Variants in ADAMTSL1 observed in about 807,000 individuals in gnomAD.
The protein encoded by ADAMTSL1 is ADAMTS like 1.
A neutral mutation model predicts 201.8 loss-of-function variants in ADAMTSL1; 126 were observed. The ratio of observed to expected loss-of-function variants is 0.62; its 90% CI spans 0.54 to 0.72. The LOEUF (loss-of-function observed/expected upper bound fraction) is 0.72. Among genes scored for constraint, ADAMTSL1 ranks in the 30% least tolerant of loss-of-function variants. The pLI is 0.00. For synonymous variants in ADAMTSL1, 1,121 were observed against 903.4 expected (o/e 1.24, Z -4.32); for missense variants, 2,679 against 2,277.8 (o/e 1.18, Z -3.59).
chr9:18,284,242 TAAAA>T (rs1366277496), intron 2 of ADAMTSL1, among the ~76,000 whole-genome samples: 1 of 151,692 alleles, frequency 6.6e-6, no homozygotes, highest in Non-Finnish European at 1.5e-5. Context: ...AAAAATAAAA[TAAAA>T]AAAGAATTAA....
chr9:18,541,112 A>G lies in ADAMTSL1; in HGVS notation c.237+7820A>G, dbSNP rs116117952. 2.6e-3 allele frequency among the ~76,000 whole-genome samples: 401 copies of G among 152,298 alleles called. 3 individuals are homozygous for G. The highest frequency in any genetic ancestry group is 9.2e-3 in the African/African-American group (381 of 41,566). On this transcript the variant is annotated intron_variant, in intron 3 of 28. Coordinates refer to ENST00000380548, the MANE Select transcript of ADAMTSL1 (RefSeq NM_001040272.6). ...GGACATGTCTTTTCTAAGTCACTTG[A>G]TGAAGGCTTGATTTGTACACTGATA...
chr9:18,875,417 C>T (rs1828088436), intron 23 of ADAMTSL1, among the ~76,000 whole-genome samples: 1 of 152,104 alleles, frequency 6.6e-6, no homozygotes, highest in Admixed American at 6.5e-5. Context: ...TTAGCACCAC[C>T]TTTGCTGTAT....
intron 1 of ADAMTSL1, among the ~76,000 whole-genome samples, chr9:18,109,147 G>A (rs556179561): frequency 2.8e-4 from 42 of 152,154 alleles, no homozygotes; most frequent in Non-Finnish European, 5.0e-4. Flanking sequence ...AAATTCCCTC[G>A]CCTAATTTGA....
At chr9:18,090,476 G>T (rs1823963320) in intron 1 of ADAMTSL1, among the ~76,000 whole-genome samples, 1 of 152,138 alleles carries the variant, frequency 6.6e-6, no homozygotes, top group South Asian at 2.1e-4. Flanking sequence ...ATTATGCTAA[G>T]TTAAATAATT....
intron 13 of ADAMTSL1, 114 bp from the exon 14 acceptor site, chr9:18,706,633 A>AG: frequency 9.5e-7 from 1 of 1,049,840 alleles, no homozygotes; most frequent in Non-Finnish European, 1.4e-6. Flanking sequence ...AGCCCTGAGT[A>AG]CCCCTGGGAC....
intron 1 of ADAMTSL1, among the ~76,000 whole-genome samples, chr9:18,036,030 C>G (rs566519435): frequency 6.6e-6 from 1 of 152,158 alleles, no homozygotes; most frequent in South Asian, 2.1e-4. Flanking sequence ...GTGTTTTGTT[C>G]CAGGAACACT....
chr9:17,936,698 G>A (rs146457187), intron 1 of ADAMTSL1, among the ~76,000 whole-genome samples: 137 of 152,226 alleles, frequency 9.0e-4, no homozygotes, highest in Non-Finnish European at 1.1e-3. Context: ...GAGGCAAGAG[G>A]CTTACAGCAG....
intron 3 of ADAMTSL1, among the ~76,000 whole-genome samples, chr9:18,565,021 T>C (rs748146393): frequency 9.9e-5 from 15 of 152,188 alleles, no homozygotes; most frequent in Non-Finnish European, 1.8e-4. Flanking sequence ...AAATGAACTT[T>C]TAAAGCTAAA....
chr9:18,232,591 T>C (rs767247612), intron 2 of ADAMTSL1, among the ~76,000 whole-genome samples: 5 of 152,228 alleles, frequency 3.3e-5, no homozygotes, highest in African/African-American at 1.2e-4. Context: ...GATTGATTGA[T>C]TGAATGAATA....
chr9:18,680,814 A>G (rs1234813856), intron 11 of ADAMTSL1: 17 of 390,480 alleles, frequency 4.4e-5, no homozygotes. Context: ...GGCTGAATGA[A>G]TGATCCCGAA....
At chr9:18,678,224 G>A (rs564696940) in intron 10 of ADAMTSL1, among the ~76,000 whole-genome samples, 1 of 152,230 alleles carries the variant, frequency 6.6e-6, no homozygotes, top group Non-Finnish European at 1.5e-5. Flanking sequence ...AAAGCCAAAA[G>A]AGGCTAAATG....
At chr9:18,226,430 C>G (rs965286216) in intron 2 of ADAMTSL1, among the ~76,000 whole-genome samples, 7 of 152,154 alleles carry the variant, frequency 4.6e-5, no homozygotes, top group Admixed American at 3.9e-4. Flanking sequence ...GATTCTACTT[C>G]CCTTGTAATT....
At chr9:18,264,140 C>G (rs1832032045) in intron 2 of ADAMTSL1, among the ~76,000 whole-genome samples, 1 of 152,120 alleles carries the variant, frequency 6.6e-6, no homozygotes, top group East Asian at 1.9e-4. Flanking sequence ...AATTTTTGGT[C>G]ATTGTCTATT....
chr9:18,290,281 A>ATTTTTTTTTTTT (rs35411626), intron 2 of ADAMTSL1, among the ~76,000 whole-genome samples: 1 of 147,848 alleles, frequency 6.8e-6, no homozygotes. Flanking sequence ...AGGGGATTAG[A>ATTTTTTTTTTTT]TTTTTTTTTT....
chr9:18,266,304 G>C (rs1244020307), intron 2 of ADAMTSL1, among the ~76,000 whole-genome samples: 2 of 152,198 alleles, frequency 1.3e-5, no homozygotes, highest in East Asian at 3.9e-4. Context: ...ACATCTAGGA[G>C]ACTATCACCT....
At chr9:18,285,170 C>T (rs1563858107) in intron 2 of ADAMTSL1, among the ~76,000 whole-genome samples, 1 of 152,108 alleles carries the variant, frequency 6.6e-6, no homozygotes, top group Non-Finnish European at 1.5e-5. Flanking sequence ...CTCTCAAAGG[C>T]AGTATATAAA....
chr9:18,114,753 C>A (rs1308159920), intron 1 of ADAMTSL1, among the ~76,000 whole-genome samples: 1 of 152,130 alleles, frequency 6.6e-6, no homozygotes, highest in African/African-American at 2.4e-5. Context: ...AGAAAGTTCT[C>A]AAGCTTAGAG....
At chr9:17,922,955 C>T (rs1826368129) in intron 1 of ADAMTSL1, among the ~76,000 whole-genome samples, 1 of 152,152 alleles carries the variant, frequency 6.6e-6, no homozygotes, top group African/African-American at 2.4e-5. Context: ...CTCGTGTAAC[C>T]TGCTGGAACA....
intron 13 of ADAMTSL1, among the ~76,000 whole-genome samples, chr9:18,697,141 C>T (rs568571985): frequency 6.6e-6 from 1 of 151,954 alleles, no homozygotes; most frequent in East Asian, 1.9e-4. Context: ...CTCAGCCCCC[C>T]CAAGTGCTGG....
Sources: allele counts gnomAD v4.1 joint callset (sites outside exome capture counted in the v4.1 genomes callset), GRCh38; gene constraint gnomAD v4.1.1; transcripts MANE v1.5; gene names NCBI Gene and HGNC (gene_info 2026-07-23, HGNC 2026-07-21).